AAK1: variants seen among roughly 807,000 people sequenced by gnomAD.
The protein encoded by AAK1 is AP2 associated kinase 1.
AAK1 carries 37 observed loss-of-function variants against 116.0 expected under a neutral mutation model. The ratio of observed to expected loss-of-function variants is 0.32; its 90% CI spans 0.25 to 0.42. AAK1 has a LOEUF of 0.42. AAK1 is among the 10% of genes least tolerant of loss of function. The probability of loss-of-function intolerance (pLI) is 1.00; values close to 1 mark genes in which losing one functional copy is unlikely to be tolerated. For missense variants in AAK1, 919 were observed against 1,170.6 expected, an observed-to-expected ratio of 0.79 and a Z score of 3.14; for synonymous variants, 458 against 439.9, an observed-to-expected ratio of 1.04 and a Z score of -0.51.
Position 69,642,939 on chromosome 2 carries a change from G to A in AAK1, c.102C>T (p.Tyr34=). Residue 34 remains tyrosine, a synonymous_variant, in exon 2 of 22, where the codon TAC becomes TAT. Transcript: ENST00000409085. ...GCCCGATGCCGAAGACTCTTCCGAT[G>A]TAGCCACTGCCCAGGCCCGAGGTGC... ...GGSTSGLGSG[Y]IGRVFGIGRQ... 3 of 1,613,720 alleles carry A rather than the reference G, an allele frequency of 1.9e-6. No homozygotes were observed. The highest frequency in any genetic ancestry group is 2.5e-6 in the Non-Finnish European group (3 of 1,179,870).
chr2:69,640,080 C>CTCT (rs1491472917), intron 2 of AAK1, among the ~76,000 whole-genome samples: 8 of 128,684 alleles, frequency 6.2e-5, no homozygotes, highest in Non-Finnish European at 1.1e-4. Context: ...CTCTCTCTCT[C>CTCT]CCCCCCCACA....
In AAK1 at chr2:69,542,519, G is replaced by C; in HGVS notation, c.534+4C>G. 2 of 1,613,770 alleles carry C rather than the reference G, an allele frequency of 1.2e-6. 1 individual carries two copies. Among genetic ancestry groups the C allele is most frequent in the South Asian group, 2.2e-5 (2 of 91,060 alleles). Reference sequence around the variant, plus strand: ...TGCCCGTAATGAAAGAGTGTGGTCTGTACCTTCAGGTCCCGGTGGATAATA... The same window carrying C: ...TGCCCGTAATGAAAGAGTGTGGTCTCTACCTTCAGGTCCCGGTGGATAATA... On this transcript the variant is annotated splice_donor_region_variant and intron_variant, in intron 5 of 21. Transcript: ENST00000409085.
chr2:69,641,701 G>A (rs112124878), intron 2 of AAK1, among the ~76,000 whole-genome samples: 15 of 152,078 alleles, frequency 9.9e-5, no homozygotes, highest in African/African-American at 3.6e-4. Flanking sequence ...CATCCACCAT[G>A]GTAAGCATTT....
chr2:69,500,698 T>TATATGTATATATATACACACACACAC, intron 16 of AAK1, among the ~76,000 whole-genome samples: 3 of 65,100 alleles, frequency 4.6e-5, no homozygotes, highest in Admixed American at 2.1e-4. Context: ...TATATATATA[T>TATATGTATATATATACACACACACAC]ACACACACAC....
At position 69,463,519 on chromosome 2, in the gene AAK1, T is replaced by G. The variant is rs943347192; in HGVS notation, c.*12350A>C. ...ACCCAGCTAATTTTTTTCATTATTTTATTTAATTTTATTTTTTAGACTCGC... is the reference window on the plus strand; with the variant it reads ...ACCCAGCTAATTTTTTTCATTATTTGATTTAATTTTATTTTTTAGACTCGC... On this transcript the variant is annotated 3_prime_UTR_variant, in exon 22 of 22. Transcript: ENST00000409085. 1 of 152,126 alleles carries G rather than the reference T, an allele frequency of 6.6e-6. No homozygotes were observed. The highest frequency in any genetic ancestry group is 1.5e-5 in the Non-Finnish European group (1 of 68,038). 9.4% of individuals were successfully genotyped at this position (152,126 alleles called of 1,614,324 possible). A position where few individuals can be genotyped will look rare whatever the true frequency, so the allele number is the denominator to read the frequency against.
intron 2 of AAK1, among the ~76,000 whole-genome samples, chr2:69,599,964 T>C (rs972173224): frequency 8.4e-5 from 12 of 142,906 alleles, no homozygotes; most frequent in African/African-American, 3.3e-4. Flanking sequence ...TTTTTTTTTG[T>C]AGAGACAGAG....
intron 2 of AAK1, among the ~76,000 whole-genome samples, chr2:69,604,639 G>A (rs370356719): frequency 9.8e-5 from 15 of 152,306 alleles, no homozygotes; most frequent in African/African-American, 3.6e-4. Flanking sequence ...GGATGGAGAA[G>A]GAACAGAGGG....
At chr2:69,547,408 TCAA>T (rs938062065) in intron 3 of AAK1, among the ~76,000 whole-genome samples, 3 of 151,862 alleles carry the variant, frequency 2.0e-5, no homozygotes, top group African/African-American at 7.3e-5. Flanking sequence ...CCCTTACAAC[TCAA>T]CAACAACAAA....
chr2:69,607,825 A>G (rs775576982), intron 2 of AAK1, among the ~76,000 whole-genome samples: 4 of 152,194 alleles, frequency 2.6e-5, no homozygotes, highest in Non-Finnish European at 4.4e-5. Context: ...GTGAACAGAC[A>G]TATGTGCTAC....
chr2:69,506,712 T>C (rs1477021361), intron 15 of AAK1, among the ~76,000 whole-genome samples: 2 of 152,198 alleles, frequency 1.3e-5, no homozygotes, highest in Non-Finnish European at 2.9e-5. Flanking sequence ...CCAAAATGTT[T>C]GGCCAATAGT....
chr2:69,643,529 CG>C, intron 1 of AAK1, 45 bp downstream of exon 1: 2 of 1,226,476 alleles, frequency 1.6e-6, no homozygotes, highest in African/African-American at 1.6e-5. Context: ...CCGCTCCTCC[CG>C]GGTCTCCCCG....
chr2:69,639,881 G>A (rs966305131), intron 2 of AAK1, among the ~76,000 whole-genome samples: 2 of 152,044 alleles, frequency 1.3e-5, no homozygotes. Flanking sequence ...TACCCAAAAC[G>A]TCTGTTAAGC....
intron 16 of AAK1, among the ~76,000 whole-genome samples, chr2:69,497,424 C>T (rs1394826169): frequency 1.3e-5 from 2 of 150,458 alleles, no homozygotes; most frequent in Non-Finnish European, 2.9e-5. Context: ...GCCTCAGCCT[C>T]CCGAGTAGCT....
rs1345338632 is a variant in AAK1 at position 69,468,080 on chromosome 2, A to G, written c.*7789T>C. On this transcript the variant is annotated 3_prime_UTR_variant, in exon 22 of 22. Transcript: ENST00000409085. Reference sequence around the variant, plus strand: ...TAAGTTAAATTCTGTACTGGTGCCAAATGGCTTTCAGAATAGTATTTGAAG... The same window carrying G: ...TAAGTTAAATTCTGTACTGGTGCCAGATGGCTTTCAGAATAGTATTTGAAG... 1.0e-6 allele frequency: 1 copy of G among 985,320 alleles called. No individual in the cohort carries two copies. The highest frequency in any genetic ancestry group is 1.7e-5 in the African/African-American group (1 of 57,258). The allele number at this position is 985,320 out of a possible 1,614,324, so 61.0% of individuals were successfully genotyped here. A position where few individuals can be genotyped will look rare whatever the true frequency, so the allele number is the denominator to read the frequency against.
At chr2:69,500,797 C>A (rs1332731280) in intron 16 of AAK1, among the ~76,000 whole-genome samples, 1 of 146,098 alleles carries the variant, frequency 6.8e-6, no homozygotes, top group East Asian at 2.0e-4. Context: ...ACAAAATAAA[C>A]CTCATTAAAA....
intron 2 of AAK1, among the ~76,000 whole-genome samples, chr2:69,589,974 A>G (rs77187131): frequency 6.7e-6 from 1 of 150,332 alleles, no homozygotes; most frequent in African/African-American, 2.4e-5. Flanking sequence ...GGTTCTGATT[A>G]AAAAAAAAAT....
intron 14 of AAK1, among the ~76,000 whole-genome samples, chr2:69,508,023 A>G (rs1255395006): frequency 6.6e-6 from 1 of 152,118 alleles, no homozygotes; most frequent in African/African-American, 2.4e-5. Flanking sequence ...GTTTTCCTAA[A>G]AGGGCTTTCC....
rs1558959311 is a variant in AAK1 at position 69,556,928 on chromosome 2, C to T, written c.214G>A (p.Ala72Thr). ...TTGTTGACAAACATGCGTTTCAAGG[C>T]ACATTTCATCCCATTGCTTGTCCTC... The part of the protein sequence containing the change: ...LVRTSNGMKC[A>T]LKRMFVNNEH... The change falls in exon 3 of 22, where the codon GCC (alanine) becomes ACC (threonine). Residue 72 changes from alanine (A) to threonine (T), a missense_variant. Ala to Thr is a moderately conservative substitution (Grantham distance 58). This residue lies in a region of AAK1 where 317 missense variants were observed against 490.4 expected (regional missense o/e 0.65). Transcript: ENST00000409085. 1 of 1,613,976 alleles carries T rather than the reference C, an allele frequency of 6.2e-7. No homozygotes were observed.
chr2:69,506,572 C>T (rs1347722037), intron 15 of AAK1, among the ~76,000 whole-genome samples: 1 of 152,092 alleles, frequency 6.6e-6, no homozygotes, highest in African/African-American at 2.4e-5. Context: ...GGCATGTTGC[C>T]CAGGCTGGTC....
Sources: gnomAD v4.1 joint callset for allele counts (sites outside exome capture counted in the v4.1 genomes callset) on GRCh38, gnomAD v4.1.1 for gene constraint, gnomAD v4.1.1 regional missense constraint, MANE v1.5 for transcripts, NCBI Gene and HGNC (gene_info 2026-07-23, HGNC 2026-07-21) for gene names.